The following SLC9C2 variants were observed in gnomAD, a reference collection of about 807,000 sequenced individuals.
SLC9C2 encodes solute carrier family 9 member C2 (putative).
SLC9C2 carries 75 observed loss-of-function variants against 140.2 expected under a neutral mutation model. The observed-to-expected ratio is 0.53, with a 90% CI of 0.44 to 0.65. The LOEUF (loss-of-function observed/expected upper bound fraction) is 0.65, where lower values mean the gene tolerates loss of function less well. Ranked by LOEUF, SLC9C2 falls within the 30% of genes least tolerant of loss-of-function variation. The pLI is 0.00. For synonymous variants in SLC9C2, 375 were observed against 420.9 expected, an observed-to-expected ratio of 0.89 and a Z score of 1.34; for missense variants, 1,074 against 1,331.8, an observed-to-expected ratio of 0.81 and a Z score of 3.01.
In SLC9C2 at chr1:173,576,643, G is replaced by A; in HGVS notation, c.902+18C>T. The A allele has an allele frequency of 6.6e-7, 1 of 1,521,638 alleles. No individual in the cohort carries two copies. The highest frequency in any genetic ancestry group is 9.1e-7 in the Non-Finnish European group (1 of 1,102,284). The allele number at this position is 1,521,638 out of a possible 1,614,324, so 94.3% of individuals were successfully genotyped here. On this transcript the variant is annotated intron_variant, in intron 8 of 27. Coordinates refer to ENST00000367714, the MANE Select transcript of SLC9C2 (RefSeq NM_178527.4). ...AAACTGCTATGAGATCCATCGAAGG[G>A]CACGATAGGAAACTTACTTAGTAAT...
chr1:173,524,845 T>C lies in SLC9C2; in HGVS notation c.2448A>G (p.Leu816=). The change falls in exon 20 of 28, where the codon CTA becomes CTG. Residue 816 remains leucine (L), a synonymous_variant. Coordinates refer to ENST00000367714, the MANE Select transcript of SLC9C2 (RefSeq NM_178527.4). ...QAIRNVIAKA[L]KNLTFLCSRG... The stretch of plus-strand genomic sequence containing the variant: ...TTGAACAAAGGAAGGTGAGATTTTT[T>C]AGAGCTTTAGCAATCACATTCCGGA... 6.2e-7 allele frequency: 1 copy of C among 1,614,116 alleles called. No individual in the cohort carries two copies. The highest frequency in any genetic ancestry group is 8.5e-7 in the Non-Finnish European group (1 of 1,179,956).
At chr1:173,601,993 C>A in intron 1 of SLC9C2, 138 bp from the exon 2 acceptor site, 1 of 520,662 alleles carries the variant, frequency 1.9e-6, no homozygotes, top group East Asian at 3.4e-5. Context: ...TCTTGTCCTA[C>A]CCCTTGCTCC....
At chr1:173,557,659 G>A (rs1481029580) in intron 9 of SLC9C2, 151 bp from the exon 10 acceptor site, 1 of 676,092 alleles carries the variant, frequency 1.5e-6, no homozygotes, top group African/African-American at 1.8e-5. Flanking sequence ...CCAATTTTCT[G>A]AGACTAACCA....
intron 13 of SLC9C2, among the ~76,000 whole-genome samples, chr1:173,545,462 G>A (rs576173406): frequency 4.5e-4 from 68 of 152,276 alleles, no homozygotes; most frequent in African/African-American, 1.6e-3. Context: ...CCATGGACAC[G>A]TAATTTCTCA....
Position 173,524,924 on chromosome 1 carries a change from A to C in SLC9C2, c.2369T>G (p.Leu790Arg). 6.2e-7 allele frequency: 1 copy of C among 1,613,900 alleles called. No homozygotes were observed. The highest frequency in any genetic ancestry group is 8.5e-7 in the Non-Finnish European group (1 of 1,179,880). Residue 790 changes from leucine (L) to arginine (R), a missense_variant, in exon 20 of 28, where the codon CTC becomes CGC. Leu to Arg is a moderately radical substitution (Grantham distance 102). Coordinates refer to ENST00000367714, the MANE Select transcript of SLC9C2 (RefSeq NM_178527.4). ...AACATCACGACCCTCATGCTCCATG[A>C]GTACTACAGCAAAGAAAATAAAATT... ...NKQDAVKELVLMEHEGRDVVI... is the reference protein window; with the variant it reads ...NKQDAVKELVRMEHEGRDVVI...
At chr1:173,587,851 CA>C in intron 4 of SLC9C2, 21 bp from the exon 5 acceptor site, 1 of 1,577,354 alleles carries the variant, frequency 6.3e-7, no homozygotes, top group Non-Finnish European at 8.7e-7. Context: ...ATTCATAACA[CA>C]GTATTAGACT....
rs190106261 is a variant in SLC9C2 at position 173,587,686 on chromosome 1, C to A, written c.502G>T (p.Val168Leu). The change falls in exon 5 of 28, where the codon GTG becomes TTG. Residue 168 changes from valine to leucine, a missense_variant. Coordinates refer to ENST00000367714, the MANE Select transcript of SLC9C2 (RefSeq NM_178527.4). ...TLGIIDPLRS[V>L]NSLKTIGISK... ...ATACCAATAGTTTTTAGTGAATTCA[C>A]AGAACGAAGAGGATCTATAATGCCA... 25 of 1,609,044 alleles carry A rather than the reference C, an allele frequency of 1.6e-5. No individual in the cohort carries two copies. The East Asian group carries it at 5.4e-4, about 35-fold the overall frequency.
At chr1:173,533,142 A>G (rs1661705571) in intron 17 of SLC9C2, among the ~76,000 whole-genome samples, 1 of 152,114 alleles carries the variant, frequency 6.6e-6, no homozygotes, top group Admixed American at 6.5e-5. Context: ...CCATGCAGAT[A>G]CCTATTGAGA....
intron 9 of SLC9C2, among the ~76,000 whole-genome samples, chr1:173,562,306 A>T (rs1188876078): frequency 6.6e-6 from 1 of 152,224 alleles, no homozygotes; most frequent in African/African-American, 2.4e-5. Flanking sequence ...CTGGATTTTT[A>T]AAAATATCTT....
intron 2 of SLC9C2, among the ~76,000 whole-genome samples, chr1:173,601,212 G>A (rs1666763014): frequency 1.3e-5 from 2 of 152,074 alleles, no homozygotes; most frequent in Admixed American, 1.3e-4. Flanking sequence ...TGTATGCCTG[G>A]GCTCTATTTG....
intron 2 of SLC9C2, among the ~76,000 whole-genome samples, chr1:173,600,603 C>A (rs1452707866): frequency 6.6e-6 from 1 of 151,976 alleles, no homozygotes; most frequent in African/African-American, 2.4e-5. Context: ...TTTCAACTTA[C>A]AATATTTTAA....
intron 25 of SLC9C2, 62 bp from the exon 26 acceptor site, chr1:173,505,393 C>T (rs1659563379): frequency 8.0e-7 from 1 of 1,242,500 alleles, no homozygotes; most frequent in Non-Finnish European, 1.2e-6. Flanking sequence ...CTGGCTGCTT[C>T]CTAATCTTTC....
intron 4 of SLC9C2, among the ~76,000 whole-genome samples, chr1:173,594,911 T>C (rs952020628): frequency 6.6e-6 from 1 of 152,208 alleles, no homozygotes; most frequent in African/African-American, 2.4e-5. Context: ...TTTTTGTTTT[T>C]GTTTTTGAGA....
At chr1:173,569,807 T>C (rs1664729849) in intron 9 of SLC9C2, among the ~76,000 whole-genome samples, 1 of 152,024 alleles carries the variant, frequency 6.6e-6, no homozygotes, top group Non-Finnish European at 1.5e-5. Context: ...AAATAAAAAG[T>C]AGTATGAAAA....
Position 173,583,653 on chromosome 1 carries a change from T to C in SLC9C2, c.524-31A>G, listed in dbSNP as rs777751875. ...AAAGGAAATACAAAATGTAACTCAA[T>C]ATGCTACATGAAAATAATGTTCTTG... On this transcript the variant is annotated intron_variant, in intron 5 of 27. Coordinates refer to ENST00000367714, the MANE Select transcript of SLC9C2 (RefSeq NM_178527.4). The C allele has an allele frequency of 3.7e-6, 4 of 1,078,266 alleles. No individual in the cohort carries two copies. The South Asian group carries it at 6.4e-5, about 17-fold the overall frequency. The allele number at this position is 1,078,266 out of a possible 1,614,324, so 66.8% of individuals were successfully genotyped here. A position where few individuals can be genotyped will look rare whatever the true frequency, so the allele number is the denominator to read the frequency against.
At chr1:173,557,667 C>T (rs186521737) in intron 9 of SLC9C2, among the ~76,000 whole-genome samples, 159 bp from the exon 10 acceptor site, 1 of 152,262 alleles carries the variant, frequency 6.6e-6, no homozygotes, top group African/African-American at 2.4e-5. Context: ...CTGAGACTAA[C>T]CAAATCTACT....
intron 9 of SLC9C2, among the ~76,000 whole-genome samples, chr1:173,558,092 G>A (rs1558064962): frequency 1.3e-5 from 2 of 152,124 alleles, no homozygotes; most frequent in African/African-American, 4.8e-5. Context: ...GGCAGTGAGA[G>A]AATATCAATA....
At chr1:173,505,821 G>A (rs1439484251) in intron 25 of SLC9C2, among the ~76,000 whole-genome samples, 1 of 152,110 alleles carries the variant, frequency 6.6e-6, no homozygotes, top group Non-Finnish European at 1.5e-5. Context: ...AACCCGATAA[G>A]ATGGCTGCTG....
At chr1:173,514,908 T>A (rs1484300198) in intron 23 of SLC9C2, among the ~76,000 whole-genome samples, 1 of 152,184 alleles carries the variant, frequency 6.6e-6, no homozygotes, top group East Asian at 1.9e-4. Context: ...CCTTTTTTTA[T>A]GGAGCTTAGT....
Sources: gnomAD v4.1 joint callset for allele counts (sites outside exome capture counted in the v4.1 genomes callset) on GRCh38, gnomAD v4.1.1 for gene constraint, MANE v1.5 for transcripts, NCBI Gene and HGNC (gene_info 2026-07-23, HGNC 2026-07-21) for gene names.